UBAP1: variants seen among roughly 807,000 people sequenced by gnomAD.
The protein encoded by UBAP1 is ubiquitin associated protein 1.
UBAP1 carries 5 observed loss-of-function variants against 39.0 expected under a neutral mutation model. The observed-to-expected ratio is 0.13, with a 90% CI of 0.07 to 0.27. UBAP1 has a LOEUF of 0.27. Among genes scored for constraint, UBAP1 ranks in the 10% least tolerant of loss-of-function variants. UBAP1 has a pLI of 1.00. For synonymous variants in UBAP1, 211 were observed against 225.1 expected (o/e 0.94, Z 0.56); for missense variants, 490 against 608.1 (o/e 0.81, Z 2.04).
rs138851864 is a variant in UBAP1, at chr9:34,200,020, C to T, written c.-8+20780C>T. On this transcript the variant is annotated intron_variant, in intron 1 of 6. Transcript: ENST00000297661. ...AACTAAATTGTGTTTAGTTGTTATA[C>T]TTTCTTAGTTTCTTCTGGTCTGTGA... Among the ~76,000 whole-genome samples the T allele has an allele frequency of 3.1e-3, 477 of 151,672 alleles. 4 individuals are homozygous for T. The highest frequency in any genetic ancestry group is 0.011 in the African/African-American group (439 of 41,340).
intron 2 of UBAP1, among the ~76,000 whole-genome samples, chr9:34,226,114 TG>T (rs1833048118): frequency 1.1e-5 from 1 of 90,456 alleles, no homozygotes; most frequent in African/African-American, 3.2e-5. Context: ...ATTGTGTGTG[TG>T]TGTGTGTGTG....
intron 2 of UBAP1, among the ~76,000 whole-genome samples, chr9:34,222,521 G>A (rs1186152693): frequency 6.6e-6 from 1 of 152,158 alleles, no homozygotes; most frequent in East Asian, 1.9e-4. Flanking sequence ...GCAGGGCACG[G>A]TGGCTCATGC....
Position 34,249,823 on chromosome 9 carries a change from C to T in UBAP1, c.1128C>T (p.Pro376=). The T allele has an allele frequency of 1.2e-6, 2 of 1,614,228 alleles. No homozygotes were observed. The highest frequency in any genetic ancestry group is 1.7e-6 in the Non-Finnish European group (2 of 1,180,044). Residue 376 remains proline (P), a synonymous_variant, in exon 5 of 7, where the codon CCC becomes CCT. Transcript: ENST00000297661. ...CAGTGTCACAAGTGCCCAACATGCCCAGCTGTCCCCAGGCCTATTCTGAAC... is the reference window on the plus strand; with the variant it reads ...CAGTGTCACAAGTGCCCAACATGCCTAGCTGTCCCCAGGCCTATTCTGAAC... ...NFSVSQVPNM[P]SCPQAYSELQ...
At chr9:34,228,639 C>T (rs1017865164) in intron 2 of UBAP1, among the ~76,000 whole-genome samples, 33 of 135,880 alleles carry the variant, frequency 2.4e-4, no homozygotes, top group African/African-American at 9.0e-4. Context: ...GCGTGATTTT[C>T]GCTCACTGCC....
At chr9:34,202,588 C>G (rs1324059135) in intron 1 of UBAP1, among the ~76,000 whole-genome samples, 1 of 139,172 alleles carries the variant, frequency 7.2e-6, no homozygotes, top group Admixed American at 7.4e-5. Context: ...CCAGCAAGGG[C>G]TATGGGAGTT....
At position 34,179,468 on chromosome 9, in the gene UBAP1, G is replaced by C. The variant is rs527705215; in HGVS notation, c.-8+228G>C. On this transcript the variant is annotated intron_variant, in intron 1 of 6. Transcript: ENST00000297661. Reference sequence around the variant, plus strand: ...AAGGGGCGGAGGGGAAGTGGGATGCGGAAAAATGAGTTCGGATTAAGGAGA... The same window carrying C: ...AAGGGGCGGAGGGGAAGTGGGATGCCGAAAAATGAGTTCGGATTAAGGAGA... Among the ~76,000 whole-genome samples the C allele has an allele frequency of 5.9e-5, 9 of 152,118 alleles. No homozygotes were observed. The East Asian group carries it at 1.7e-3, about 29-fold the overall frequency.
At position 34,195,893 on chromosome 9, in the gene UBAP1, G is replaced by A. The variant is rs189781484; in HGVS notation, c.-8+16653G>A. ...ATTACAGGCATGAGCCACCACGTCC[G>A]GCCAGTCCTTTGGATTTCTATACAA... On this transcript the variant is annotated intron_variant, in intron 1 of 6. Transcript: ENST00000297661. 4.9e-5 allele frequency among the ~76,000 whole-genome samples: 7 copies of A among 143,292 alleles called. No individual in the cohort carries two copies. The East Asian group carries it at 6.3e-4, about 13-fold the overall frequency. 94.0% of individuals were successfully genotyped at this position (143,292 alleles called of 152,430 possible).
chr9:34,235,023 A>G (rs1833614343), intron 3 of UBAP1, among the ~76,000 whole-genome samples: 1 of 152,156 alleles, frequency 6.6e-6, no homozygotes, highest in Admixed American at 6.6e-5. Context: ...AGACAGTGAT[A>G]CTGATGATCC....
intron 1 of UBAP1, among the ~76,000 whole-genome samples, chr9:34,213,829 G>A (rs1478516415): frequency 6.6e-6 from 1 of 151,730 alleles, no homozygotes; most frequent in African/African-American, 2.4e-5. Flanking sequence ...AAAGTTTCTG[G>A]ATACAAGATT....
intron 1 of UBAP1, among the ~76,000 whole-genome samples, chr9:34,217,980 C>T (rs560375619): frequency 1.1e-4 from 16 of 150,652 alleles, no homozygotes; most frequent in Non-Finnish European, 2.4e-4. Context: ...TGGCTGGGTG[C>T]AGTAGCTCGC....
At position 34,241,266 on chromosome 9, in the gene UBAP1, T is replaced by G. The variant is rs766374782; in HGVS notation, c.241T>G (p.Cys81Gly). Residue 81 changes from cysteine (C) to glycine (G), a missense_variant, in exon 4 of 7, where the codon TGC (cysteine) becomes GGC (glycine). Cys to Gly is a radical substitution (Grantham distance 159). This residue lies in a region of UBAP1 where 144 missense variants were observed against 184.4 expected (regional missense o/e 0.78). Transcript: ENST00000297661. Reference protein sequence around the residue: ...KIEEAEREAECKIAEAEAKVN... With the variant: ...KIEEAEREAEGKIAEAEAKVN... Reference sequence around the variant, plus strand: ...CGAAGAAGCCGAGCGGGAAGCAGAGTGCAAAATTGCGGAAGCAGAAGCTAA... The same window carrying G: ...CGAAGAAGCCGAGCGGGAAGCAGAGGGCAAAATTGCGGAAGCAGAAGCTAA... 6.6e-7 allele frequency: 1 copy of G among 1,507,168 alleles called. No homozygotes were observed. The highest frequency in any genetic ancestry group is 8.9e-7 in the Non-Finnish European group (1 of 1,129,298). The allele number at this position is 1,507,168 out of a possible 1,614,324, so 93.4% of individuals were successfully genotyped here.
Position 34,241,574 on chromosome 9 carries a change from T to A in UBAP1, c.549T>A (p.Ile183=), listed in dbSNP as rs896581712. 2 of 1,614,122 alleles carry A rather than the reference T, an allele frequency of 1.2e-6. No homozygotes were observed. ...TIDEKEELRN[I]LVGTTGPIMA... is the part of the protein sequence containing the mutation. ...ATGAGAAGGAAGAGCTGAGAAATATTCTGGTAGGAACCACTGGACCCATTA... is the reference window on the plus strand; with the variant it reads ...ATGAGAAGGAAGAGCTGAGAAATATACTGGTAGGAACCACTGGACCCATTA... Residue 183 remains isoleucine (I), a synonymous_variant, in exon 4 of 7, where the codon ATT becomes ATA. Coordinates refer to ENST00000297661, the MANE Select transcript of UBAP1 (RefSeq NM_016525.5).
rs761252074 is a variant in UBAP1, at chr9:34,241,388, C to T, written c.363C>T (p.Leu121=). Residue 121 remains leucine, a synonymous_variant, in exon 4 of 7, where the codon CTC becomes CTT. Coordinates refer to ENST00000297661, the MANE Select transcript of UBAP1 (RefSeq NM_016525.5). The part of the protein sequence containing the change: ...ATMPPPINPI[L]ASLQHNSILT... Reference sequence around the variant, plus strand: ...TGCCACCTCCTATTAACCCCATCCTCGCCAGCTTGCAGCACAACAGCATCC... The same window carrying T: ...TGCCACCTCCTATTAACCCCATCCTTGCCAGCTTGCAGCACAACAGCATCC... The T allele has an allele frequency of 1.7e-5, 26 of 1,563,838 alleles. No homozygotes were observed. Among genetic ancestry groups the T allele is most frequent in the East Asian group, 4.5e-5 (2 of 44,568 alleles).
chr9:34,188,112 T>TAA (rs10712662), intron 1 of UBAP1, among the ~76,000 whole-genome samples: 1 of 139,676 alleles, frequency 7.2e-6, no homozygotes, highest in Non-Finnish European at 1.5e-5. Flanking sequence ...TTGGGTTCAC[T>TAA]AAAAAAAAAA....
chr9:34,188,799 A>G (rs557565819), intron 1 of UBAP1, among the ~76,000 whole-genome samples: 2 of 152,154 alleles, frequency 1.3e-5, no homozygotes, highest in Admixed American at 1.3e-4. Flanking sequence ...TCTCCTAAAA[A>G]TAGAAAAATT....
At chr9:34,216,030 T>C (rs1832293705) in intron 1 of UBAP1, among the ~76,000 whole-genome samples, 1 of 152,122 alleles carries the variant, frequency 6.6e-6, no homozygotes, top group African/African-American at 2.4e-5. Flanking sequence ...TAAAGAGAAC[T>C]GTATTTTATT....
At chr9:34,249,752 G>C (rs1226101489) in intron 4 of UBAP1, 27 bp from the exon 5 acceptor site, 1 of 1,610,090 alleles carries the variant, frequency 6.2e-7, no homozygotes, top group Non-Finnish European at 8.5e-7. Context: ...AGGTCTTCTT[G>C]CCTTAATCTT....
At chr9:34,193,236 A>T (rs1241512880) in intron 1 of UBAP1, among the ~76,000 whole-genome samples, 2 of 152,056 alleles carry the variant, frequency 1.3e-5, no homozygotes, top group Non-Finnish European at 2.9e-5. Flanking sequence ...GCTTGAACCC[A>T]GGAGGTGGAG....
At chr9:34,189,370 G>C (rs1830591714) in intron 1 of UBAP1, among the ~76,000 whole-genome samples, 1 of 150,780 alleles carries the variant, frequency 6.6e-6, no homozygotes, top group South Asian at 2.1e-4. Flanking sequence ...TATATTTTTA[G>C]TAGAAATGGG....
Sources: allele counts gnomAD v4.1 joint callset (sites outside exome capture counted in the v4.1 genomes callset), GRCh38; gene constraint gnomAD v4.1.1; regional missense constraint gnomAD v4.1.1; transcripts MANE v1.5; gene names NCBI Gene and HGNC (gene_info 2026-07-23, HGNC 2026-07-21).